Variants in ANK3 observed in about 807,000 individuals in gnomAD.
The protein encoded by ANK3 is ankyrin 3.
In ANK3, 57 loss-of-function variants were observed where a neutral mutation model predicts 370.9. The ratio of observed to expected loss-of-function variants is 0.15; its 90% CI spans 0.12 to 0.19. ANK3 has a LOEUF of 0.19. Ranked by LOEUF, ANK3 falls within the 10% of genes least tolerant of loss-of-function variation. The probability of loss-of-function intolerance (pLI) is 1.00; values close to 1 mark genes in which losing one functional copy is unlikely to be tolerated. For synonymous variants in ANK3, 1,929 were observed against 1,946.3 expected (o/e 0.99, Z 0.23); for missense variants, 4,439 against 5,302.1 (o/e 0.84, Z 5.06).
intron 21 of ANK3, 136 bp downstream of exon 21, chr10:60,172,172 C>T (rs1186402489): frequency 1.6e-6 from 1 of 630,050 alleles, no homozygotes; most frequent in East Asian, 2.7e-5. Context: ...ATCCTGACTA[C>T]CAACAATGAG....
Position 60,073,114 on chromosome 10 carries a change from A to C in ANK3, c.7767T>G (p.Thr2589=). The C allele has an allele frequency of 6.2e-7, 1 of 1,614,098 alleles. No homozygotes were observed. The highest frequency in any genetic ancestry group is 2.2e-5 in the East Asian group (1 of 44,878). ...RTVKEAEEKL[T]EVSQFFRDKT... The stretch of plus-strand genomic sequence containing the variant: ...TGTCACGAAAAAACTGTGACACTTC[A>C]GTCAGTTTTTCTTCAGCCTCCTTCA... Residue 2589 remains threonine (T), a synonymous_variant, in exon 37 of 44, where the codon ACT becomes ACG. Coordinates refer to ENST00000280772, the MANE Select transcript of ANK3 (RefSeq NM_020987.5).
intron 26 of ANK3, among the ~76,000 whole-genome samples, chr10:60,113,968 G>C (rs2092905428): frequency 6.6e-6 from 1 of 151,944 alleles, no homozygotes. Flanking sequence ...GATTAGAACA[G>C]CCAGGAAAGT....
At chr10:60,248,628 T>A (rs2097592704) in intron 7 of ANK3, among the ~76,000 whole-genome samples, 1 of 152,238 alleles carries the variant, frequency 6.6e-6, no homozygotes, top group East Asian at 1.9e-4. Flanking sequence ...ATGGGACCTC[T>A]ACTTTGTGCA....
At chr10:60,700,247 T>C (rs10994476) in intron 1 of ANK3, among the ~76,000 whole-genome samples, 42,323 of 152,070 alleles carry the variant, frequency 0.28, 6,787 homozygotes, top group South Asian at 0.48. Flanking sequence ...TACAGATAAA[T>C]ACAATTTATA....
chr10:60,248,198 G>A lies in ANK3; in HGVS notation c.799-13412C>T, dbSNP rs140701189. Among the ~76,000 whole-genome samples the A allele has an allele frequency of 2.4e-3, 371 of 152,224 alleles. 3 individuals are homozygous for A. The highest frequency in any genetic ancestry group is 8.6e-3 in the African/African-American group (357 of 41,530). On this transcript the variant is annotated intron_variant, in intron 7 of 43. Coordinates refer to ENST00000280772, the MANE Select transcript of ANK3 (RefSeq NM_020987.5). ...CATTATTTTGGGTATATACCCAGAA[G>A]TGGAACTGCTGGATCATACGTTAAC...
At chr10:60,465,018 C>G (rs1048899054) in intron 2 of ANK3, among the ~76,000 whole-genome samples, 18 of 152,156 alleles carry the variant, frequency 1.2e-4, no homozygotes, top group African/African-American at 4.3e-4. Context: ...GTAATCTCGG[C>G]ACTTTGGGAG....
chr10:60,065,143 A>C (rs2131950135), intron 38 of ANK3, among the ~76,000 whole-genome samples: 1 of 152,286 alleles, frequency 6.6e-6, no homozygotes. Context: ...ATATGAAGCT[A>C]CTTGAGTAAA....
chr10:60,147,032 A>G (rs1360344483), intron 23 of ANK3, among the ~76,000 whole-genome samples: 1 of 152,222 alleles, frequency 6.6e-6, no homozygotes, highest in Admixed American at 6.5e-5. Context: ...CCAGATCTGC[A>G]TGTATTTCTC....
intron 1 of ANK3, among the ~76,000 whole-genome samples, chr10:60,695,898 A>G (rs1160570114): frequency 3.3e-5 from 5 of 151,448 alleles, no homozygotes; most frequent in South Asian, 2.1e-4. Context: ...AAATAACTAA[A>G]ATCAGAGCAG....
chr10:60,065,785 T>A (rs1436460132), intron 38 of ANK3, among the ~76,000 whole-genome samples: 1 of 152,216 alleles, frequency 6.6e-6, no homozygotes, highest in African/African-American at 2.4e-5. Context: ...TTATATAATA[T>A]TCCATTTAAA....
chr10:60,303,876 A>ATATG (rs1555264316), intron 1 of ANK3, among the ~76,000 whole-genome samples: 22 of 147,446 alleles, frequency 1.5e-4, no homozygotes, highest in African/African-American at 5.5e-4. Context: ...TGGTGTATAT[A>ATATG]TGTGTGTGTG....
In ANK3 at chr10:60,161,590, A is replaced by G. The variant is rs990191103; in HGVS notation, c.2614+5001T>C. On this transcript the variant is annotated intron_variant, in intron 23 of 43. Coordinates refer to ENST00000280772, the MANE Select transcript of ANK3 (RefSeq NM_020987.5). ...ATGAAATTCTGTGTTTTTTGCAAAA[A>G]CATGGATGGAATTGGAGACATTATC... Among the ~76,000 whole-genome samples, 6 of 152,158 alleles carry G rather than the reference A, an allele frequency of 3.9e-5. No individual in the cohort carries two copies. In the South Asian group the frequency reaches 1.2e-3, roughly 32 times the overall value.
In ANK3 at chr10:60,227,137, T is replaced by C. The variant is rs549162635; in HGVS notation, c.897+7551A>G. Among the ~76,000 whole-genome samples, 442 of 152,056 alleles carry C rather than the reference T, an allele frequency of 2.9e-3. 2 individuals are homozygous for C. Among genetic ancestry groups the C allele is most frequent in the African/African-American group, 0.01 (422 of 41,524 alleles). On this transcript the variant is annotated intron_variant, in intron 8 of 43. Transcript: ENST00000280772. Reference sequence around the variant, plus strand: ...TCGCTTGTATGAAACAGTCTTTGTTTTGCTTTTATTATGTAAATATAATTT... The same window carrying C: ...TCGCTTGTATGAAACAGTCTTTGTTCTGCTTTTATTATGTAAATATAATTT...
chr10:60,529,220 C>G (rs1309459063), intron 2 of ANK3, among the ~76,000 whole-genome samples: 6 of 152,132 alleles, frequency 3.9e-5, no homozygotes, highest in Admixed American at 3.3e-4. Flanking sequence ...CCAGAAACAA[C>G]AGTCATGTAT....
chr10:60,605,394 C>A (rs1210115238), intron 2 of ANK3, among the ~76,000 whole-genome samples: 3 of 151,850 alleles, frequency 2.0e-5, no homozygotes, highest in Admixed American at 1.3e-4. Context: ...GAGTTTGAGA[C>A]CGGCCTAGGC....
In ANK3 at chr10:60,646,705, G is replaced by C. The variant is rs564273721; in HGVS notation, c.58-31481C>G. On this transcript the variant is annotated intron_variant, in intron 1 of 43. Transcript: ENST00000373827. Reference sequence around the variant, plus strand: ...GTGACCTGAGGAACCCCAACATTTAGCTCAAGAAGAAGAAGAGGAGGAATT... The same window carrying C: ...GTGACCTGAGGAACCCCAACATTTACCTCAAGAAGAAGAAGAGGAGGAATT... Among the ~76,000 whole-genome samples the C allele has an allele frequency of 2.0e-5, 3 of 152,230 alleles. No homozygotes were observed. In the South Asian group the frequency reaches 6.2e-4, roughly 32 times the overall value.
At chr10:60,394,550 C>T (rs960767918), upstream of ANK3, among the ~76,000 whole-genome samples, 1 of 152,118 alleles carries the variant, frequency 6.6e-6, no homozygotes, top group African/African-American at 2.4e-5. Flanking sequence ...GCCTCTGTGA[C>T]CTCACATGGG....
Position 60,027,293 on chromosome 10 carries a change from T to C in ANK3, c.*2553A>G, listed in dbSNP as rs1360972443. The C allele has an allele frequency of 6.7e-6, 1 of 148,830 alleles. No individual in the cohort carries two copies. The highest frequency in any genetic ancestry group is 2.5e-5 in the African/African-American group (1 of 40,092). 9.2% of individuals were successfully genotyped at this position (148,830 alleles called of 1,614,324 possible). A position where few individuals can be genotyped will look rare whatever the true frequency, so the allele number is the denominator to read the frequency against. ...GAGAGGCATTTTGGGAAAGTTTTTT[T>C]TTTTTTTTTTTTTTAAAAAAAAAAC... is the stretch of plus-strand genomic sequence containing the variant. On this transcript the variant is annotated 3_prime_UTR_variant, in exon 44 of 44. Transcript: ENST00000280772.
intron 10 of ANK3, among the ~76,000 whole-genome samples, 181 bp from the exon 11 acceptor site, chr10:60,206,071 G>T (rs908708189): frequency 2.6e-5 from 4 of 152,106 alleles, no homozygotes; most frequent in Non-Finnish European, 4.4e-5. Flanking sequence ...GGAACCCAAG[G>T]TACCCTGATA....
Sources: allele counts gnomAD v4.1 joint callset (sites outside exome capture counted in the v4.1 genomes callset), GRCh38; gene constraint gnomAD v4.1.1; transcripts MANE v1.5; gene names NCBI Gene and HGNC (gene_info 2026-07-23, HGNC 2026-07-21).